Variants in NOC3L observed in about 807,000 individuals in gnomAD.
NOC3L encodes the protein nucleolar complex protein 3 homolog.
Under a neutral mutation model 102.5 loss-of-function variants are expected in NOC3L, and 85 were observed. That is an observed-to-expected ratio of 0.83 (90% confidence interval 0.70 to 0.99). The LOEUF (loss-of-function observed/expected upper bound fraction) is 0.99, where lower values mean the gene tolerates loss of function less well. NOC3L is among the 50% of genes least tolerant of loss of function. The pLI, the probability that NOC3L is intolerant of heterozygous loss-of-function variation, is 0.00. For synonymous variants in NOC3L, 303 were observed against 309.4 expected, an observed-to-expected ratio of 0.98 and a Z score of 0.22; for missense variants, 878 against 914.9, an observed-to-expected ratio of 0.96 and a Z score of 0.52.
the NOC3L span, among the ~76,000 whole-genome samples, chr10:94,323,411 T>C: frequency 1.3e-5 from 2 of 152,350 alleles, no homozygotes; most frequent in East Asian, 1.9e-4. Context: ...TTAGTTATAG[T>C]AGTGTGCTGG....
intron 5 of NOC3L, among the ~76,000 whole-genome samples, chr10:94,355,340 T>G (rs963957769): frequency 6.6e-6 from 1 of 150,580 alleles, no homozygotes; most frequent in Non-Finnish European, 1.5e-5. Flanking sequence ...GGATTCAAGC[T>G]CATAAACCAA....
intron 14 of NOC3L, among the ~76,000 whole-genome samples, 192 bp from the exon 15 acceptor site, chr10:94,340,688 C>A (rs1045648321): frequency 6.6e-6 from 1 of 151,862 alleles, no homozygotes; most frequent in Non-Finnish European, 1.5e-5. Flanking sequence ...ATGGCAAAAA[C>A]CCATCTCTCA....
intron 19 of NOC3L, among the ~76,000 whole-genome samples, chr10:94,337,056 G>A (rs368086309): frequency 1.4e-4 from 20 of 146,204 alleles, no homozygotes; most frequent in South Asian, 1.3e-3. Flanking sequence ...ACAACAGAGT[G>A]AGACTCCATC....
At chr10:94,315,298 C>A in the NOC3L span, 1 of 420,078 alleles carries the variant, frequency 2.4e-6, no homozygotes, top group South Asian at 1.8e-5. Flanking sequence ...TCGCTCTGGG[C>A]TTTGCCTTAT....
chr10:94,322,184 T>A, the NOC3L span: 1 of 893,338 alleles, frequency 1.1e-6, no homozygotes, highest in Non-Finnish European at 1.8e-6. Context: ...CAAAGGGGAG[T>A]GTGTGCCTCT....
chr10:94,325,090 G>T, the NOC3L span: 1 of 1,612,944 alleles, frequency 6.2e-7, no homozygotes, highest in Non-Finnish European at 8.5e-7. Context: ...ACTAAGGGCA[G>T]CATGTTTAAC....
At chr10:94,361,479 G>A in intron 2 of NOC3L, 186 bp downstream of exon 2, 1 of 582,206 alleles carries the variant, frequency 1.7e-6, no homozygotes, top group Non-Finnish European at 3.0e-6. Flanking sequence ...GTATTGAAAT[G>A]TTTTCTCATA....
chr10:94,342,511 T>C (rs2054297107), intron 13 of NOC3L, among the ~76,000 whole-genome samples: 3 of 150,994 alleles, frequency 2.0e-5, no homozygotes, highest in Non-Finnish European at 1.5e-5. Context: ...AAAATGAGCA[T>C]ACCCTTTGAT....
the NOC3L span, chr10:94,327,927 A>G: frequency 7.7e-6 from 4 of 518,750 alleles, no homozygotes; most frequent in South Asian, 5.8e-5. Flanking sequence ...CTGTTTCTTC[A>G]TTTTCAGTAT....
At chr10:94,328,090 T>A in the NOC3L span, 2 of 441,298 alleles carry the variant, frequency 4.5e-6, no homozygotes, top group Non-Finnish European at 9.4e-6. Context: ...GTGAGATCCA[T>A]GCTGAGGAGA....
chr10:94,361,853 A>T lies in NOC3L; in HGVS notation c.29T>A (p.Ile10Asn). The T allele has an allele frequency of 6.2e-7, 1 of 1,611,170 alleles. No homozygotes were observed. Among genetic ancestry groups the T allele is most frequent in the Non-Finnish European group, 8.5e-7 (1 of 1,178,622 alleles). ...TTTTATTAACTTGCGAAAGCTTGGG[A>T]TCTGTTTTTTATTTCTTCTCTAGAA... The part of the protein sequence containing the change: MKARRNKKQ[I>N]PSFRKLIKTS... The change falls in exon 2 of 21, where the codon ATC becomes AAC. Residue 10 changes from isoleucine to asparagine, a missense_variant. Transcript: ENST00000371361.
the NOC3L span, among the ~76,000 whole-genome samples, chr10:94,323,225 T>C: frequency 6.6e-6 from 1 of 152,204 alleles, no homozygotes; most frequent in African/African-American, 2.4e-5. Context: ...AGAGTTTACA[T>C]GGTTTCAGAG....
chr10:94,339,324 A>G (rs950315311), intron 17 of NOC3L, among the ~76,000 whole-genome samples: 1 of 147,966 alleles, frequency 6.8e-6, no homozygotes, highest in Non-Finnish European at 1.5e-5. Flanking sequence ...GGTGTTTGTT[A>G]AGCAAAGAAT....
chr10:94,361,577 GC>G, intron 2 of NOC3L, 87 bp downstream of exon 2: 1 of 1,266,912 alleles, frequency 7.9e-7, no homozygotes, highest in Non-Finnish European at 1.1e-6. Flanking sequence ...AACAAGAAAA[GC>G]GATTACTAGA....
intron 2 of NOC3L, among the ~76,000 whole-genome samples, chr10:94,360,901 C>G (rs1589580005): frequency 6.6e-6 from 1 of 151,786 alleles, no homozygotes; most frequent in East Asian, 1.9e-4. Flanking sequence ...AATTCCAGCA[C>G]TTTTGGAGGC....
At chr10:94,329,466 A>G (rs1158459421), downstream of NOC3L, 1 of 152,190 alleles carries the variant, frequency 6.6e-6, no homozygotes, top group African/African-American at 2.4e-5. Flanking sequence ...TTTCTTGCAT[A>G]TTCTAAAAAC....
intron 19 of NOC3L, among the ~76,000 whole-genome samples, chr10:94,335,250 A>G (rs74153307): frequency 0.017 from 2,590 of 152,252 alleles, 94 homozygotes; most frequent in African/African-American, 0.06. Flanking sequence ...GAAGGTAGCA[A>G]TTAGGCTCAC....
chr10:94,352,494 AG>A, intron 7 of NOC3L, 91 bp from the exon 8 acceptor site: 1 of 817,632 alleles, frequency 1.2e-6, no homozygotes, highest in Non-Finnish European at 2.0e-6. Context: ...GTATACACCC[AG>A]TACTATTTAA....
chr10:94,320,147 G>T, the NOC3L span, among the ~76,000 whole-genome samples: 2 of 152,076 alleles, frequency 1.3e-5, no homozygotes, highest in East Asian at 1.9e-4. Flanking sequence ...TCTCTGACTG[G>T]TTAAATATAT....
Sources: allele counts gnomAD v4.1 joint callset (sites outside exome capture counted in the v4.1 genomes callset), GRCh38; gene constraint gnomAD v4.1.1; transcripts MANE v1.5; gene names NCBI Gene and HGNC (gene_info 2026-07-23, HGNC 2026-07-21).